ZRANB3: variants seen among roughly 807,000 people sequenced by gnomAD.
ZRANB3 encodes zinc finger RANBP2-type containing 3, also known as DNA annealing helicase and endonuclease ZRANB3.
Under a neutral mutation model 133.8 loss-of-function variants are expected in ZRANB3, and 125 were observed. The observed-to-expected ratio is 0.93, with a 90% CI of 0.81 to 1.08. The LOEUF (loss-of-function observed/expected upper bound fraction) is 1.08, where lower values mean the gene tolerates loss of function less well. ZRANB3 is among the 50% of genes least tolerant of loss of function. The probability of loss-of-function intolerance (pLI) is 0.00; values close to 1 mark genes in which losing one functional copy is unlikely to be tolerated. For missense variants in ZRANB3, 1,229 were observed against 1,275.5 expected (o/e 0.96, Z 0.56); for synonymous variants, 387 against 432.7 (o/e 0.89, Z 1.31).
chr2:135,319,089 C>G (rs1439562694), intron 6 of ZRANB3, among the ~76,000 whole-genome samples: 1 of 152,158 alleles, frequency 6.6e-6, no homozygotes, highest in Non-Finnish European at 1.5e-5. Flanking sequence ...GCCTAGCAGG[C>G]ATGGGCACAA....
chr2:135,530,851 A>G (rs1694542811), intron 1 of ZRANB3: 1 of 152,130 alleles, frequency 6.6e-6, no homozygotes, highest in Non-Finnish European at 1.5e-5. Context: ...AATTCCAGCC[A>G]AGCACCGCGA....
chr2:135,337,016 G>C (rs780053908), intron 6 of ZRANB3, among the ~76,000 whole-genome samples: 2 of 152,092 alleles, frequency 1.3e-5, no homozygotes, highest in African/African-American at 4.8e-5. Flanking sequence ...CTGAAACTCT[G>C]AATCAAGATT....
intron 12 of ZRANB3, among the ~76,000 whole-genome samples, chr2:135,260,032 G>A (rs1400986270): frequency 1.3e-5 from 2 of 152,120 alleles, no homozygotes; most frequent in Non-Finnish European, 2.9e-5. Flanking sequence ...TTAGATGAAG[G>A]CAGCAAAATG....
chr2:135,200,808 T>C (rs1452656212), intron 20 of ZRANB3, among the ~76,000 whole-genome samples: 2 of 146,024 alleles, frequency 1.4e-5, no homozygotes, highest in African/African-American at 5.1e-5. Flanking sequence ...GAGGCTGAAG[T>C]GAAGTGATGT....
intron 3 of ZRANB3, among the ~76,000 whole-genome samples, chr2:135,363,679 T>C (rs993735698): frequency 1.3e-5 from 2 of 152,068 alleles, no homozygotes; most frequent in East Asian, 1.9e-4. Context: ...CAAAAAGAAA[T>C]GGGGGGAAAA....
At chr2:135,434,243 G>A (rs1025423001) in intron 2 of ZRANB3, among the ~76,000 whole-genome samples, 1 of 152,192 alleles carries the variant, frequency 6.6e-6, no homozygotes, top group Non-Finnish European at 1.5e-5. Flanking sequence ...GAGGAAATAC[G>A]TTAGATGTCC....
At chr2:135,504,668 T>G (rs1693094973) in intron 1 of ZRANB3, among the ~76,000 whole-genome samples, 172 bp from the exon 2 acceptor site, 1 of 152,166 alleles carries the variant, frequency 6.6e-6, no homozygotes, top group African/African-American at 2.4e-5. Flanking sequence ...TTCAAAGCAC[T>G]GAGTTTGAAA....
Position 135,447,656 on chromosome 2 carries a change from G to T in ZRANB3, c.161+56673C>A, listed in dbSNP as rs563764373. On this transcript the variant is annotated intron_variant, in intron 2 of 20. Coordinates refer to ENST00000264159, the MANE Select transcript of ZRANB3 (RefSeq NM_032143.4). ...TTGTGTTTTATCCCTTCTGCTGTTG[G>T]ATATGTAGAAAAATCAGCTGCTAGG... Among the ~76,000 whole-genome samples, 235 of 152,196 alleles carry T rather than the reference G, an allele frequency of 1.5e-3. 4 individuals are homozygous for T. The highest frequency in any genetic ancestry group is 1.4e-3 in the Non-Finnish European group (96 of 68,002).
In ZRANB3 at chr2:135,198,114, T is replaced by TG. The variant is rs1435315772; in HGVS notation, c.*2227dup. ...TGAGTGGCAGCAGCTGTCTTCTTCCTGGGGCATCTGCACTTCCTTCTGCAC... is the reference window on the plus strand; with the variant it reads ...TGAGTGGCAGCAGCTGTCTTCTTCCTGGGGGCATCTGCACTTCCTTCTGCAC... On this transcript the variant is annotated 3_prime_UTR_variant, in exon 21 of 21. Transcript: ENST00000264159. The TG allele has an allele frequency of 2.0e-5, 3 of 152,356 alleles. No homozygotes were observed. Among genetic ancestry groups the TG allele is most frequent in the Non-Finnish European group, 2.9e-5 (2 of 68,148 alleles). The allele number at this position is 152,356 out of a possible 1,614,324, so 9.4% of individuals were successfully genotyped here.
intron 1 of ZRANB3, among the ~76,000 whole-genome samples, chr2:135,509,678 CA>C (rs1427012136): frequency 6.6e-6 from 1 of 151,966 alleles, no homozygotes; most frequent in African/African-American, 2.4e-5. Flanking sequence ...AACTCTACTT[CA>C]AAAAAACTAA....
chr2:135,299,445 T>C (rs1334492672), intron 8 of ZRANB3, among the ~76,000 whole-genome samples: 1 of 152,180 alleles, frequency 6.6e-6, no homozygotes, highest in Non-Finnish European at 1.5e-5. Flanking sequence ...TCTGTGCTTG[T>C]ATCTGCACTT....
intron 12 of ZRANB3, among the ~76,000 whole-genome samples, chr2:135,235,814 A>C (rs1471556276): frequency 1.1e-4 from 16 of 150,114 alleles, no homozygotes; most frequent in Non-Finnish European, 2.1e-4. Context: ...ATCTATGACA[A>C]ACCCACAACC....
intron 5 of ZRANB3, among the ~76,000 whole-genome samples, chr2:135,346,619 T>A (rs1392481755): frequency 1.3e-5 from 2 of 152,202 alleles, no homozygotes; most frequent in Non-Finnish European, 2.9e-5. Flanking sequence ...CTAAGGTACA[T>A]GCTGTTTTAA....
At chr2:135,415,628 A>C (rs1688532207) in intron 2 of ZRANB3, among the ~76,000 whole-genome samples, 1 of 152,216 alleles carries the variant, frequency 6.6e-6, no homozygotes, top group African/African-American at 2.4e-5. Flanking sequence ...TCATCCTGAT[A>C]CCAAAGCTGG....
At chr2:135,375,221 G>C (rs953157024) in intron 3 of ZRANB3, among the ~76,000 whole-genome samples, 3 of 152,050 alleles carry the variant, frequency 2.0e-5, no homozygotes, top group Non-Finnish European at 4.4e-5. Flanking sequence ...ATGTATTGAA[G>C]GATTACTTTT....
chr2:135,417,833 C>A (rs1254531104), intron 2 of ZRANB3, among the ~76,000 whole-genome samples: 1 of 152,092 alleles, frequency 6.6e-6, no homozygotes, highest in Non-Finnish European at 1.5e-5. Flanking sequence ...AATTGGAAAT[C>A]ATCACTCTCA....
intron 2 of ZRANB3, among the ~76,000 whole-genome samples, chr2:135,419,815 G>C (rs562149267): frequency 6.6e-6 from 1 of 151,628 alleles, no homozygotes; most frequent in East Asian, 1.9e-4. Flanking sequence ...AGGTTGGATG[G>C]CCTTTGTGCA....
chr2:135,388,633 A>G (rs956972419), intron 3 of ZRANB3, among the ~76,000 whole-genome samples: 11 of 152,234 alleles, frequency 7.2e-5, no homozygotes, highest in African/African-American at 2.7e-4. Flanking sequence ...GTATATATAT[A>G]AGAGGAAATA....
In ZRANB3 at chr2:135,230,796, T is replaced by C. The variant is rs765081130; in HGVS notation, c.1671A>G (p.Thr557=). The change falls in exon 13 of 21, where the codon ACA becomes ACG. Residue 557 remains threonine, a synonymous_variant. Coordinates refer to ENST00000264159, the MANE Select transcript of ZRANB3 (RefSeq NM_032143.4). The part of the protein sequence containing the change: ...EENTVVSSDP[T]KTAARDIIDY... Reference sequence around the variant, plus strand: ...CGATGATATCTCTTGCAGCTGTTTTTGTAGGGTCTGATGACACTACAGTAT... The same window carrying C: ...CGATGATATCTCTTGCAGCTGTTTTCGTAGGGTCTGATGACACTACAGTAT... The C allele has an allele frequency of 2.9e-5, 47 of 1,613,886 alleles. No individual in the cohort carries two copies. The highest frequency in any genetic ancestry group is 6.7e-5 in the Admixed American group (4 of 59,986).
Sources: allele counts gnomAD v4.1 joint callset (sites outside exome capture counted in the v4.1 genomes callset), GRCh38; gene constraint gnomAD v4.1.1; transcripts MANE v1.5; gene names NCBI Gene and HGNC (gene_info 2026-07-23, HGNC 2026-07-21).